Variants in KCTD9 observed in about 807,000 individuals in gnomAD.
KCTD9 encodes BTB/POZ domain-containing protein KCTD9.
Under a neutral mutation model 53.3 loss-of-function variants are expected in KCTD9, and 17 were observed. That is an observed-to-expected ratio of 0.32 (90% CI 0.22 to 0.48). KCTD9 has a LOEUF of 0.48. Among genes scored for constraint, KCTD9 ranks in the 20% least tolerant of loss-of-function variants. The probability of loss-of-function intolerance (pLI) is 0.99; values close to 1 mark genes in which losing one functional copy is unlikely to be tolerated. For missense variants in KCTD9, 179 were observed against 465.5 expected, an observed-to-expected ratio of 0.38 and a Z score of 5.66; for synonymous variants, 128 against 162.7, an observed-to-expected ratio of 0.79 and a Z score of 1.62.
chr8:25,442,105 A>T (rs1359088007), intron 3 of KCTD9, among the ~76,000 whole-genome samples: 1 of 152,234 alleles, frequency 6.6e-6, no homozygotes, highest in East Asian at 1.9e-4. Flanking sequence ...GAAAGAAGGA[A>T]ATCAAATCAA....
chr8:25,436,612 T>A, intron 6 of KCTD9, 127 bp from the exon 7 acceptor site: 1 of 583,568 alleles, frequency 1.7e-6, no homozygotes, highest in Non-Finnish European at 3.0e-6. Context: ...ATGGAGCAGA[T>A]CTGAACAGGT....
chr8:25,443,329 A>T (rs972461551), intron 3 of KCTD9, among the ~76,000 whole-genome samples: 5 of 152,198 alleles, frequency 3.3e-5, no homozygotes, highest in African/African-American at 1.2e-4. Flanking sequence ...TCCAGATAAT[A>T]AGAAAGCCAT....
intron 1 of KCTD9, among the ~76,000 whole-genome samples, chr8:25,448,839 C>T (rs947040678): frequency 6.6e-6 from 1 of 151,688 alleles, no homozygotes; most frequent in Non-Finnish European, 1.5e-5. Context: ...TGCTTCAACC[C>T]GGGAGGCAGA....
chr8:25,432,417 C>CT, intron 11 of KCTD9, 87 bp downstream of exon 11: 1 of 1,194,964 alleles, frequency 8.4e-7, no homozygotes, highest in Non-Finnish European at 1.2e-6. Context: ...TACCAGCCAA[C>CT]TACTTTGTTT....
chr8:25,435,608 A>C, intron 8 of KCTD9, 96 bp from the exon 9 acceptor site: 1 of 1,026,928 alleles, frequency 9.7e-7, no homozygotes, highest in Non-Finnish European at 1.4e-6. Flanking sequence ...TTTTAGAAGC[A>C]ATTGGCAGTT....
In KCTD9 at chr8:25,431,316, A is replaced by G. The variant is rs76488565; in HGVS notation, c.1053+1188T>C. ...AGCAAGGAACTGCCCTTCTTTTTAA[A>G]GCCCCAAAGGTACGTATATAATACA... On this transcript the variant is annotated intron_variant, in intron 11 of 11. Transcript: ENST00000221200. Among the ~76,000 whole-genome samples the G allele has an allele frequency of 8.7e-3, 1,329 of 152,246 alleles. 22 individuals carry two copies. Among genetic ancestry groups the G allele is most frequent in the African/African-American group, 0.03 (1,243 of 41,550 alleles).
intron 1 of KCTD9, among the ~76,000 whole-genome samples, chr8:25,453,174 T>C (rs1211425515): frequency 6.6e-6 from 1 of 151,714 alleles, no homozygotes; most frequent in East Asian, 2.0e-4. Flanking sequence ...CTGACCAACA[T>C]GGTGAAACCC....
At chr8:25,457,968 C>G (rs1802499375) in intron 1 of KCTD9, among the ~76,000 whole-genome samples, 1 of 151,332 alleles carries the variant, frequency 6.6e-6, no homozygotes, top group East Asian at 2.0e-4. Flanking sequence ...CCGGGCCGAA[C>G]CGCGCCGGCC....
chr8:25,455,480 C>T (rs1163973464), intron 1 of KCTD9, among the ~76,000 whole-genome samples: 1 of 152,120 alleles, frequency 6.6e-6, no homozygotes, highest in African/African-American at 2.4e-5. Context: ...AAACTCAGCA[C>T]TGTTTCAACT....
Position 25,439,898 on chromosome 8 carries a change from G to C in KCTD9, c.312-234C>G, listed in dbSNP as rs936592553. The C allele has an allele frequency of 3.6e-5, 27 of 755,176 alleles. 2 individuals are homozygous for C. The Admixed American group carries it at 4.9e-4, about 14-fold the overall frequency. The allele number at this position is 755,176 out of a possible 1,614,324, so 46.8% of individuals were successfully genotyped here. ...TTAGTTTCCTTTGCTTTAAATACTT[G>C]TCTGTCTATCCTGTAAGCAAATTAT... On this transcript the variant is annotated intron_variant, in intron 4 of 11. Transcript: ENST00000221200.
Position 25,453,541 on chromosome 8 carries a change from T to G in KCTD9, c.48+4658A>C, listed in dbSNP as rs1586440499. ...GGTGGCGGGCGCCTGTAATCCCACCTACTTGGGAGGCTGAGGCAGGAGAAT... is the reference window on the plus strand; with the variant it reads ...GGTGGCGGGCGCCTGTAATCCCACCGACTTGGGAGGCTGAGGCAGGAGAAT... On this transcript the variant is annotated intron_variant, in intron 1 of 11. Coordinates refer to ENST00000221200, the MANE Select transcript of KCTD9 (RefSeq NM_017634.4). Among the ~76,000 whole-genome samples the G allele has an allele frequency of 2.0e-5, 3 of 150,772 alleles. 1 individual carries two copies. The highest frequency in any genetic ancestry group is 4.4e-5 in the Non-Finnish European group (3 of 67,850).
At chr8:25,455,152 G>C (rs1346935136) in intron 1 of KCTD9, among the ~76,000 whole-genome samples, 1 of 152,186 alleles carries the variant, frequency 6.6e-6, no homozygotes, top group East Asian at 1.9e-4. Context: ...TTGAACCTGG[G>C]GGGCAGAGGT....
At chr8:25,453,658 A>G (rs1465459241) in intron 1 of KCTD9, among the ~76,000 whole-genome samples, 1 of 152,034 alleles carries the variant, frequency 6.6e-6, no homozygotes, top group African/African-American at 2.4e-5. Context: ...CGACTCAAAA[A>G]AAAAAAAAAA....
chr8:25,428,162 A>G lies in KCTD9; in HGVS notation c.*1695T>C, dbSNP rs1360365731. The G allele has an allele frequency of 6.6e-6, 1 of 152,658 alleles. No individual in the cohort carries two copies. The highest frequency in any genetic ancestry group is 1.5e-5 in the Non-Finnish European group (1 of 68,032). 9.5% of individuals were successfully genotyped at this position (152,658 alleles called of 1,614,324 possible). ...TTTCTACAGAGGTACCTTTAAGTGA[A>G]TGAATACCACATTCTGTAATTCCTG... On this transcript the variant is annotated 3_prime_UTR_variant, in exon 12 of 12. Transcript: ENST00000221200.
chr8:25,443,328 T>C (rs2117415852), intron 3 of KCTD9, among the ~76,000 whole-genome samples: 1 of 151,946 alleles, frequency 6.6e-6, no homozygotes, highest in East Asian at 1.9e-4. Flanking sequence ...TTCCAGATAA[T>C]AAGAAAGCCA....
At chr8:25,444,080 G>A (rs757950132) in intron 3 of KCTD9, among the ~76,000 whole-genome samples, 4 of 151,882 alleles carry the variant, frequency 2.6e-5, no homozygotes, top group African/African-American at 4.8e-5. Context: ...GCATTTTAAC[G>A]GCATGTAAAA....
At chr8:25,451,029 T>C (rs994637969) in intron 1 of KCTD9, among the ~76,000 whole-genome samples, 3 of 152,186 alleles carry the variant, frequency 2.0e-5, no homozygotes, top group African/African-American at 7.2e-5. Flanking sequence ...AAGAATCTTA[T>C]AGTTCTAGAA....
At chr8:25,443,123 T>C (rs771292978) in intron 3 of KCTD9, among the ~76,000 whole-genome samples, 23 of 152,130 alleles carry the variant, frequency 1.5e-4, no homozygotes, top group Non-Finnish European at 5.9e-5. Flanking sequence ...TATATACAAA[T>C]TTTATCTCTA....
intron 1 of KCTD9, among the ~76,000 whole-genome samples, chr8:25,448,880 A>G (rs1802265462): frequency 6.6e-6 from 1 of 151,378 alleles, no homozygotes; most frequent in South Asian, 2.1e-4. Context: ...ACACCACCAC[A>G]CTCCAGCCTG....
Sources: allele counts gnomAD v4.1 joint callset (sites outside exome capture counted in the v4.1 genomes callset), GRCh38; gene constraint gnomAD v4.1.1; transcripts MANE v1.5; gene names NCBI Gene and HGNC (gene_info 2026-07-23, HGNC 2026-07-21).